ATP8A2: variants seen among roughly 807,000 people sequenced by gnomAD.
ATP8A2 encodes the protein phospholipid-transporting ATPase IB.
In ATP8A2, 100 loss-of-function variants were observed where a neutral mutation model predicts 165.6. The observed-to-expected ratio is 0.60, with a 90% confidence interval of 0.51 to 0.71. The LOEUF is 0.71. Among genes scored for constraint, ATP8A2 ranks in the 30% least tolerant of loss-of-function variants. The pLI is 0.00. For missense variants in ATP8A2, 1,227 were observed against 1,479.5 expected (o/e 0.83, Z 2.80); for synonymous variants, 543 against 548.8 (o/e 0.99, Z 0.15).
intron 24 of ATP8A2, among the ~76,000 whole-genome samples, chr13:25,645,411 C>T (rs1255317307): frequency 6.6e-6 from 1 of 152,172 alleles, no homozygotes; most frequent in Non-Finnish European, 1.5e-5. Flanking sequence ...ACAACCAAAC[C>T]ATATCATGCT....
chr13:25,398,346 C>T (rs887521640), intron 1 of ATP8A2, among the ~76,000 whole-genome samples: 3 of 152,248 alleles, frequency 2.0e-5, no homozygotes, highest in East Asian at 1.9e-4. Context: ...TGGTCATTTG[C>T]GCCTAAACAT....
At chr13:25,751,837 C>G (rs992304) in intron 25 of ATP8A2, among the ~76,000 whole-genome samples, 89,821 of 151,070 alleles carry the variant, frequency 0.59, 27,938 homozygotes, top group Middle Eastern at 0.71. Context: ...GAATAATACA[C>G]CCAAATCAGA....
chr13:25,575,271 C>CATCT (rs2039584577), intron 19 of ATP8A2, among the ~76,000 whole-genome samples: 1 of 152,178 alleles, frequency 6.6e-6, no homozygotes, highest in African/African-American at 2.4e-5. Flanking sequence ...CAAATGATGA[C>CATCT]AGATGAGATC....
intron 27 of ATP8A2, among the ~76,000 whole-genome samples, chr13:25,794,853 A>ACC (rs1950465551): frequency 6.6e-6 from 1 of 150,640 alleles, no homozygotes; most frequent in Non-Finnish European, 1.5e-5. Flanking sequence ...ACACACACAC[A>ACC]CACACACCTT....
At chr13:25,525,092 C>T (rs2037800290) in intron 2 of ATP8A2, among the ~76,000 whole-genome samples, 2 of 151,910 alleles carry the variant, frequency 1.3e-5, no homozygotes, top group African/African-American at 4.8e-5. Context: ...CTTGCAGAAA[C>T]ATCTTGTAGA....
intron 2 of ATP8A2, among the ~76,000 whole-genome samples, chr13:25,501,058 T>C (rs1332352869): frequency 6.6e-6 from 1 of 152,166 alleles, no homozygotes; most frequent in Non-Finnish European, 1.5e-5. Context: ...TGACTCCTAC[T>C]CGATGATGTG....
At chr13:25,917,694 C>T (rs903391712) in intron 33 of ATP8A2, among the ~76,000 whole-genome samples, 20 of 152,138 alleles carry the variant, frequency 1.3e-4, no homozygotes, top group African/African-American at 4.8e-4. Flanking sequence ...AATTTCAAGA[C>T]CAATCACTCA....
At chr13:25,775,307 A>G (rs2044717041) in intron 27 of ATP8A2, among the ~76,000 whole-genome samples, 1 of 152,086 alleles carries the variant, frequency 6.6e-6, no homozygotes, top group African/African-American at 2.4e-5. Flanking sequence ...CAGGGGTCAG[A>G]TCCTATCAGC....
At chr13:25,748,742 T>G (rs1361436681) in intron 25 of ATP8A2, among the ~76,000 whole-genome samples, 1 of 152,214 alleles carries the variant, frequency 6.6e-6, no homozygotes, top group Non-Finnish European at 1.5e-5. Context: ...GTAAACAGCG[T>G]TGCTGCGGCC....
chr13:26,016,078 G>A (rs1212155428), intron 36 of ATP8A2, among the ~76,000 whole-genome samples: 2 of 152,188 alleles, frequency 1.3e-5, no homozygotes, highest in East Asian at 3.8e-4. Flanking sequence ...AGAGGAAAAT[G>A]TTTAATCTGA....
chr13:25,666,370 C>T (rs141445792), intron 24 of ATP8A2, among the ~76,000 whole-genome samples: 5,326 of 149,186 alleles, frequency 0.036, 161 homozygotes, highest in East Asian at 0.14. Context: ...CCACAATGCC[C>T]GGCTAATTTT....
chr13:25,623,749 G>A (rs2041032055), intron 24 of ATP8A2, among the ~76,000 whole-genome samples: 1 of 151,780 alleles, frequency 6.6e-6, no homozygotes, highest in Non-Finnish European at 1.5e-5. Flanking sequence ...ATAGAAATAT[G>A]TGTGTGTGTG....
intron 24 of ATP8A2, among the ~76,000 whole-genome samples, chr13:25,667,079 C>T (rs1390645024): frequency 6.6e-6 from 1 of 152,164 alleles, no homozygotes; most frequent in African/African-American, 2.4e-5. Flanking sequence ...ACCACCACCT[C>T]TGTCTAGTTC....
chr13:26,005,337 T>C (rs1037649877), intron 35 of ATP8A2, among the ~76,000 whole-genome samples: 7 of 152,052 alleles, frequency 4.6e-5, no homozygotes, highest in African/African-American at 1.7e-4. Flanking sequence ...TCTCCTTTTT[T>C]TCCTAGTCAG....
At chr13:25,725,951 A>G (rs1030753336) in intron 25 of ATP8A2, among the ~76,000 whole-genome samples, 4 of 152,186 alleles carry the variant, frequency 2.6e-5, no homozygotes, top group Non-Finnish European at 5.9e-5. Flanking sequence ...ACATGGCAAC[A>G]CCATTTTCCT....
At position 25,762,268 on chromosome 13, in the gene ATP8A2, C is replaced by CAAAAAAAAAAAAAAA. The variant is rs59081934; in HGVS notation, c.2385-6764_2385-6750dup. On this transcript the variant is annotated intron_variant, in intron 25 of 36. Coordinates refer to ENST00000381655, the MANE Select transcript of ATP8A2 (RefSeq NM_016529.6). The stretch of plus-strand genomic sequence containing the variant: ...TGGGTGATGGAGTGAGACTCTGTCT[C>CAAAAAAAAAAAAAAA]AAAAAAAAAAAAAAAAAAAAAAAAA... 4.8e-5 allele frequency among the ~76,000 whole-genome samples: 2 copies of CAAAAAAAAAAAAAAA among 41,310 alleles called. 1 individual carries two copies. The highest frequency in any genetic ancestry group is 7.6e-5 in the Non-Finnish European group (2 of 26,240). The allele number at this position is 41,310 out of a possible 152,430, so 27.1% of individuals were successfully genotyped here.
intron 24 of ATP8A2, among the ~76,000 whole-genome samples, chr13:25,642,005 A>T (rs1219501934): frequency 2.6e-5 from 4 of 152,238 alleles, no homozygotes; most frequent in Admixed American, 2.0e-4. Context: ...TGGGGAAAGG[A>T]TTCCCTATTT....
rs1308311397 is a variant in ATP8A2 at position 25,551,329 on chromosome 13, G to A, written c.892-9G>A. ...GTGACCCTTACTGACTTTCAATGCTGTTGTGTAGAATTCAACCAAAGCGCC... is the reference window on the plus strand; with the variant it reads ...GTGACCCTTACTGACTTTCAATGCTATTGTGTAGAATTCAACCAAAGCGCC... On this transcript the variant is annotated splice_polypyrimidine_tract_variant and intron_variant, in intron 10 of 36. Transcript: ENST00000381655. 1.2e-6 allele frequency: 2 copies of A among 1,611,566 alleles called. No homozygotes were observed. Among genetic ancestry groups the A allele is most frequent in the South Asian group, 1.1e-5 (1 of 90,850 alleles).
intron 25 of ATP8A2, among the ~76,000 whole-genome samples, chr13:25,756,637 A>G (rs1002374065): frequency 1.3e-5 from 2 of 152,162 alleles, no homozygotes; most frequent in Non-Finnish European, 2.9e-5. Context: ...TACTGTGTCA[A>G]TCTTTCTGAG....
Sources: allele counts gnomAD v4.1 joint callset (sites outside exome capture counted in the v4.1 genomes callset), GRCh38; gene constraint gnomAD v4.1.1; transcripts MANE v1.5; gene names NCBI Gene and HGNC (gene_info 2026-07-23, HGNC 2026-07-21).